Variants in OXCT1 observed in about 807,000 individuals in gnomAD.
The protein encoded by OXCT1 is 3-oxoacid CoA-transferase 1, also known as succinyl-CoA:3-ketoacid coenzyme A transferase 1, mitochondrial.
OXCT1 carries 27 observed loss-of-function variants against 69.6 expected under a neutral mutation model. The observed-to-expected ratio is 0.39, with a 90% CI of 0.29 to 0.54. OXCT1 has a LOEUF of 0.54. Among genes scored for constraint, OXCT1 ranks in the 20% least tolerant of loss-of-function variants. The pLI is 0.72. For missense variants in OXCT1, 437 were observed against 650.2 expected, an observed-to-expected ratio of 0.67 and a Z score of 3.57; for synonymous variants, 202 against 217.8, an observed-to-expected ratio of 0.93 and a Z score of 0.64.
intron 7 of OXCT1, among the ~76,000 whole-genome samples, chr5:41,829,425 A>G (rs1187297862): frequency 5.3e-5 from 8 of 152,114 alleles, no homozygotes; most frequent in African/African-American, 1.4e-4. Flanking sequence ...CTCTATATAA[A>G]CTATAAAAAA....
intron 7 of OXCT1, among the ~76,000 whole-genome samples, chr5:41,817,585 C>T (rs1398253463): frequency 1.3e-5 from 2 of 152,194 alleles, no homozygotes; most frequent in African/African-American, 2.4e-5. Context: ...TTCCATGCCA[C>T]GCAGCATATC....
At chr5:41,852,784 T>C (rs1229254259) in intron 4 of OXCT1, among the ~76,000 whole-genome samples, 1 of 152,112 alleles carries the variant, frequency 6.6e-6, no homozygotes, top group Admixed American at 6.6e-5. Context: ...CTAAAATTCA[T>C]AGAAATTGGA....
chr5:41,801,249 T>C (rs1389670560), intron 10 of OXCT1, among the ~76,000 whole-genome samples, 179 bp from the exon 11 acceptor site: 2 of 152,152 alleles, frequency 1.3e-5, no homozygotes, highest in African/African-American at 4.8e-5. Flanking sequence ...GTTAGTCTTT[T>C]CTATACTAAA....
At chr5:41,750,883 G>C (rs562829028) in intron 14 of OXCT1, among the ~76,000 whole-genome samples, 89 of 152,096 alleles carry the variant, frequency 5.9e-4, no homozygotes, top group Non-Finnish European at 1.0e-3. Flanking sequence ...AATGGGAAGA[G>C]AAACAGAGGT....
Position 41,836,481 on chromosome 5 carries a change from C to T in OXCT1, c.732+3970G>A, listed in dbSNP as rs140987187. ...ATAAGTGATCACCTCTATGGTTTTA[C>T]ACAACTCATAAGTTTATCTAGAAAA... On this transcript the variant is annotated intron_variant, in intron 7 of 16. Transcript: ENST00000196371. Among the ~76,000 whole-genome samples the T allele has an allele frequency of 9.3e-4, 141 of 152,288 alleles. 1 individual carries two copies. The highest frequency in any genetic ancestry group is 6.8e-3 in the Middle Eastern group (2 of 294).
At chr5:41,799,504 G>GA (rs1295008669) in intron 11 of OXCT1, among the ~76,000 whole-genome samples, 1 of 152,160 alleles carries the variant, frequency 6.6e-6, no homozygotes, top group African/African-American at 2.4e-5. Flanking sequence ...GCTTCATTTG[G>GA]ACTGAGCTAC....
intron 1 of OXCT1, among the ~76,000 whole-genome samples, chr5:41,866,762 G>T (rs1228948497): frequency 6.6e-6 from 1 of 152,218 alleles, no homozygotes; most frequent in Admixed American, 6.5e-5. Flanking sequence ...CATTGTTATT[G>T]AGGGAACATA....
intron 15 of OXCT1, among the ~76,000 whole-genome samples, chr5:41,740,877 A>G (rs1452019815): frequency 6.6e-6 from 1 of 152,086 alleles, no homozygotes; most frequent in Non-Finnish European, 1.5e-5. Flanking sequence ...TCTCAGACTA[A>G]AATGTTATGC....
At chr5:41,846,849 T>C (rs1322555330) in intron 5 of OXCT1, among the ~76,000 whole-genome samples, 3 of 152,312 alleles carry the variant, frequency 2.0e-5, no homozygotes, top group South Asian at 4.1e-4. Flanking sequence ...TGGTATCTCA[T>C]TGTGGTTTTG....
chr5:41,822,851 G>T (rs35520000), intron 7 of OXCT1, among the ~76,000 whole-genome samples: 47,017 of 152,062 alleles, frequency 0.31, 8,848 homozygotes, highest in Non-Finnish European at 0.42. Flanking sequence ...TATTAAAGTG[G>T]ATTTCTTATA....
intron 4 of OXCT1, among the ~76,000 whole-genome samples, chr5:41,850,396 A>G (rs1434720062): frequency 6.6e-6 from 1 of 152,218 alleles, no homozygotes; most frequent in Non-Finnish European, 1.5e-5. Flanking sequence ...TTCAAAATGT[A>G]ACCGCTTATT....
chr5:41,732,267 C>T (rs990595150), intron 16 of OXCT1, among the ~76,000 whole-genome samples: 1 of 152,002 alleles, frequency 6.6e-6, no homozygotes, highest in East Asian at 1.9e-4. Flanking sequence ...TAAATCTTAT[C>T]GGAAATTTCA....
At chr5:41,841,906 T>C (rs1748643588) in intron 6 of OXCT1, among the ~76,000 whole-genome samples, 1 of 152,162 alleles carries the variant, frequency 6.6e-6, no homozygotes, top group Non-Finnish European at 1.5e-5. Context: ...TAACTGTAAT[T>C]GCACCAAAGC....
intron 8 of OXCT1, among the ~76,000 whole-genome samples, chr5:41,806,155 A>G (rs1352031146): frequency 6.6e-6 from 1 of 152,106 alleles, no homozygotes; most frequent in Admixed American, 6.6e-5. Context: ...GGAATCATAG[A>G]AATACCCAGA....
chr5:41,832,871 C>A (rs1365111026), intron 7 of OXCT1, among the ~76,000 whole-genome samples: 8 of 152,062 alleles, frequency 5.3e-5, no homozygotes, highest in Non-Finnish European at 1.2e-4. Flanking sequence ...TGACATACTG[C>A]TGAATGCATC....
At position 41,856,730 on chromosome 5, in the gene OXCT1, C is replaced by T. The variant is rs116660774; in HGVS notation, c.279-3176G>A. Reference sequence around the variant, plus strand: ...AGAAAAGAAATAGCTGCATGACTTACTCTCACTTGGTTCAAAAGAAAACTA... The same window carrying T: ...AGAAAAGAAATAGCTGCATGACTTATTCTCACTTGGTTCAAAAGAAAACTA... On this transcript the variant is annotated intron_variant, in intron 3 of 16. Coordinates refer to ENST00000196371, the MANE Select transcript of OXCT1 (RefSeq NM_000436.4). Among the ~76,000 whole-genome samples, 503 of 152,300 alleles carry T rather than the reference C, an allele frequency of 3.3e-3. 1 individual carries two copies. The highest frequency in any genetic ancestry group is 0.011 in the African/African-American group (476 of 41,558).
Position 41,794,668 on chromosome 5 carries a change from A to G in OXCT1, c.1172+9T>C. ...TGTCTGAAACATGAGGGGCTCTGTT[A>G]TTACATACCCTCTAATCATTGCAAA... On this transcript the variant is annotated intron_variant, in intron 12 of 16. Transcript: ENST00000196371. 1.9e-6 allele frequency: 3 copies of G among 1,611,736 alleles called. No individual in the cohort carries two copies. Among genetic ancestry groups the G allele is most frequent in the Non-Finnish European group, 2.5e-6 (3 of 1,178,352 alleles).
chr5:41,857,326 G>T (rs1749477355), intron 3 of OXCT1, among the ~76,000 whole-genome samples: 1 of 152,198 alleles, frequency 6.6e-6, no homozygotes, highest in Non-Finnish European at 1.5e-5. Context: ...GGAGTGGCCT[G>T]CAAGGTCCCA....
chr5:41,868,963 G>C (rs368288690), intron 1 of OXCT1, among the ~76,000 whole-genome samples: 1 of 152,192 alleles, frequency 6.6e-6, no homozygotes, highest in East Asian at 1.9e-4. Context: ...GTAAATTACA[G>C]TTGGGCAAAT....
Sources: allele counts gnomAD v4.1 joint callset (sites outside exome capture counted in the v4.1 genomes callset), GRCh38; gene constraint gnomAD v4.1.1; transcripts MANE v1.5; gene names NCBI Gene and HGNC (gene_info 2026-07-23, HGNC 2026-07-21).